C16orf96: variants seen among roughly 807,000 people sequenced by gnomAD.
The protein encoded by C16orf96 is chromosome 16 open reading frame 96.
In C16orf96, 108 loss-of-function variants were observed where a neutral mutation model predicts 103.6. The ratio of observed to expected loss-of-function variants is 1.04; its 90% confidence interval spans 0.89 to 1.22. The LOEUF (loss-of-function observed/expected upper bound fraction) is 1.22, where lower values mean the gene tolerates loss of function less well. C16orf96 is among the 50% of genes most tolerant of loss of function. The pLI, the probability that C16orf96 is intolerant of heterozygous loss-of-function variation, is 0.00. For synonymous variants in C16orf96, 566 were observed against 593.5 expected (o/e 0.95, Z 0.67); for missense variants, 1,586 against 1,464.2 (o/e 1.08, Z -1.36).
intron 1 of C16orf96, among the ~76,000 whole-genome samples, chr16:4,561,833 G>A (rs2059335179): frequency 6.6e-6 from 1 of 152,146 alleles, no homozygotes; most frequent in Admixed American, 6.6e-5. Flanking sequence ...AAACAAACGT[G>A]TTTTACAATG....
At position 4,575,161 on chromosome 16, in the gene C16orf96, C is replaced by T; in HGVS notation, c.694-13C>T. The T allele has an allele frequency of 6.5e-7, 1 of 1,545,208 alleles. No individual in the cohort carries two copies. Among genetic ancestry groups the T allele is most frequent in the Non-Finnish European group, 8.7e-7 (1 of 1,146,356 alleles). Reference sequence around the variant, plus strand: ...TGGAAGCCAGCAGAGCCCCTCTGCCCCCTCTTCTGCAGGAAATTGGTTCAT... The same window carrying T: ...TGGAAGCCAGCAGAGCCCCTCTGCCTCCTCTTCTGCAGGAAATTGGTTCAT... On this transcript the variant is annotated splice_polypyrimidine_tract_variant and intron_variant, in intron 4 of 15. Coordinates refer to ENST00000444310, the MANE Select transcript of C16orf96 (RefSeq NM_001145011.2).
chr16:4,600,044 G>T, intron 15 of C16orf96, 56 bp from the exon 16 acceptor site: 1 of 1,472,292 alleles, frequency 6.8e-7, no homozygotes. Flanking sequence ...CATCAGGCTA[G>T]TGTCTCCCAA....
At chr16:4,541,559 G>T in the C16orf96 span, among the ~76,000 whole-genome samples, 1 of 152,344 alleles carries the variant, frequency 6.6e-6, no homozygotes, top group Non-Finnish European at 1.5e-5. Flanking sequence ...GGGCAACAGA[G>T]TGAGACCCTG....
chr16:4,546,538 C>T, the C16orf96 span, among the ~76,000 whole-genome samples: 1 of 149,894 alleles, frequency 6.7e-6, no homozygotes, highest in African/African-American at 2.5e-5. Context: ...AATCATGGCT[C>T]ACTGCAGCCT....
Position 4,576,219 on chromosome 16 carries a change from C to T in C16orf96, c.1739C>T (p.Ala580Val). 1 of 1,550,812 alleles carries T rather than the reference C, an allele frequency of 6.4e-7. No individual in the cohort carries two copies. Residue 580 changes from alanine to valine, a missense_variant, in exon 5 of 16, where the codon GCT becomes GTT. Coordinates refer to ENST00000444310, the MANE Select transcript of C16orf96 (RefSeq NM_001145011.2). ...IAAAAAAAYA[A>V]ATSSAAQAAK... Reference sequence around the variant, plus strand: ...GCCGCTGCCGCCGCAGCCTACGCCGCTGCCACATCCTCCGCTGCCCAGGCA... The same window carrying T: ...GCCGCTGCCGCCGCAGCCTACGCCGTTGCCACATCCTCCGCTGCCCAGGCA...
chr16:4,548,645 G>A, the C16orf96 span, among the ~76,000 whole-genome samples: 979 of 152,286 alleles, frequency 6.4e-3, 13 homozygotes, highest in African/African-American at 0.022. Context: ...GGCCAAGGCA[G>A]GTGGATCACC....
chr16:4,583,688 C>T (rs1896845150), intron 7 of C16orf96, among the ~76,000 whole-genome samples: 1 of 151,750 alleles, frequency 6.6e-6, no homozygotes, highest in Non-Finnish European at 1.5e-5. Context: ...TTTGGGAGGC[C>T]GACATGGGCG....
chr16:4,586,994 C>G lies in C16orf96; in HGVS notation c.2353-45C>G, dbSNP rs758200177. The G allele has an allele frequency of 1.4e-4, 213 of 1,517,874 alleles. 2 individuals are homozygous for G. Among genetic ancestry groups the G allele is most frequent in the South Asian group, 9.2e-4 (77 of 83,300 alleles). The allele number at this position is 1,517,874 out of a possible 1,614,324, so 94.0% of individuals were successfully genotyped here. The stretch of plus-strand genomic sequence containing the variant: ...AGGTGGGAGGTTGACATTTTATCCT[C>G]AAGGCTCTCCAGGATGGCAGACATG... On this transcript the variant is annotated intron_variant, in intron 7 of 15. Transcript: ENST00000444310.
intron 13 of C16orf96, 31 bp from the exon 14 acceptor site, chr16:4,594,673 T>C: frequency 1.3e-6 from 2 of 1,549,306 alleles, no homozygotes; most frequent in Non-Finnish European, 1.7e-6. Context: ...GGTCGGGGGC[T>C]CCCTAACCCG....
intron 5 of C16orf96, among the ~76,000 whole-genome samples, chr16:4,577,165 T>A (rs925405496): frequency 6.6e-6 from 1 of 151,936 alleles, no homozygotes; most frequent in Non-Finnish European, 1.5e-5. Flanking sequence ...CGCTCCAGCC[T>A]GGGCAACAAG....
upstream of C16orf96, among the ~76,000 whole-genome samples, chr16:4,553,529 G>T (rs1219237589): frequency 6.6e-6 from 1 of 152,048 alleles, no homozygotes; most frequent in African/African-American, 2.4e-5. Flanking sequence ...TTAGAGATGG[G>T]GTTTCACCGT....
intron 12 of C16orf96, 78 bp from the exon 13 acceptor site, chr16:4,594,273 G>A (rs1176087953): frequency 6.8e-7 from 1 of 1,479,624 alleles, no homozygotes; most frequent in Non-Finnish European, 9.1e-7. Flanking sequence ...CCTCGATGCT[G>A]GCCAGGCCCT....
chr16:4,588,971 G>C (rs1420397859), intron 9 of C16orf96, among the ~76,000 whole-genome samples: 1 of 152,080 alleles, frequency 6.6e-6, no homozygotes. Flanking sequence ...TGGACCAACT[G>C]TTCCAGTCTA....
upstream of C16orf96, among the ~76,000 whole-genome samples, chr16:4,554,745 C>A (rs1018583391): frequency 6.6e-6 from 1 of 151,742 alleles, no homozygotes; most frequent in Non-Finnish European, 1.5e-5. Context: ...CTCTGCCTCC[C>A]GGGTTCAAGT....
the C16orf96 span, among the ~76,000 whole-genome samples, chr16:4,548,602 G>C: frequency 1.3e-5 from 2 of 152,326 alleles, no homozygotes; most frequent in African/African-American, 4.8e-5. Context: ...GCTGGGCGTG[G>C]TGGCTCATTC....
the C16orf96 span, among the ~76,000 whole-genome samples, chr16:4,543,979 G>C: frequency 2.6e-3 from 391 of 152,184 alleles, 4 homozygotes; most frequent in African/African-American, 8.9e-3. Context: ...TGACAGTGTG[G>C]AGGGGGTGCA....
Position 4,581,194 on chromosome 16 carries a change from G to A in C16orf96, c.2352+1069G>A, listed in dbSNP as rs1392604337. On this transcript the variant is annotated intron_variant, in intron 7 of 15. Coordinates refer to ENST00000444310, the MANE Select transcript of C16orf96 (RefSeq NM_001145011.2). ...TATATATATATATATAATTAGCCAG[G>A]CGTAGTGGCACACACCTGTAATCCC... 2.5e-5 allele frequency among the ~76,000 whole-genome samples: 3 copies of A among 119,834 alleles called. No homozygotes were observed. In the East Asian group the frequency reaches 8.0e-4, roughly 32 times the overall value. 78.6% of individuals were successfully genotyped at this position (119,834 alleles called of 152,430 possible).
intron 7 of C16orf96, among the ~76,000 whole-genome samples, chr16:4,584,155 G>C (rs1162023371): frequency 6.6e-6 from 1 of 152,098 alleles, no homozygotes; most frequent in African/African-American, 2.4e-5. Context: ...CTGTGTCTCT[G>C]TCTTGCTCTC....
chr16:4,568,189 C>T (rs1308044310), intron 1 of C16orf96, among the ~76,000 whole-genome samples: 1 of 152,014 alleles, frequency 6.6e-6, no homozygotes, highest in African/African-American at 2.4e-5. Flanking sequence ...CAGGCATGAG[C>T]CACCATACCT....
Sources: gnomAD v4.1 joint callset for allele counts (sites outside exome capture counted in the v4.1 genomes callset) on GRCh38, gnomAD v4.1.1 for gene constraint, MANE v1.5 for transcripts, NCBI Gene and HGNC (gene_info 2026-07-23, HGNC 2026-07-21) for gene names.